FARSB: variants seen among roughly 807,000 people sequenced by gnomAD.
FARSB encodes phenylalanyl-tRNA synthetase subunit beta, also known as phenylalanine--tRNA ligase beta subunit.
FARSB carries 40 observed loss-of-function variants against 69.6 expected under a neutral mutation model. The observed-to-expected ratio is 0.57, with a 90% CI of 0.45 to 0.75. The LOEUF (loss-of-function observed/expected upper bound fraction) is 0.75. FARSB is among the 30% of genes least tolerant of loss of function. FARSB has a pLI of 0.00. For missense variants in FARSB, 632 were observed against 722.9 expected, an observed-to-expected ratio of 0.87 and a Z score of 1.44; for synonymous variants, 235 against 247.2, an observed-to-expected ratio of 0.95 and a Z score of 0.46.
At position 222,569,669 on chromosome 2, in the gene FARSB, G is replaced by A. The variant is rs1325378712; in HGVS notation, c.*2202C>T. 1 of 152,120 alleles carries A rather than the reference G, an allele frequency of 6.6e-6. No homozygotes were observed. Among genetic ancestry groups the A allele is most frequent in the Non-Finnish European group, 1.5e-5 (1 of 68,004 alleles). The allele number at this position is 152,120 out of a possible 1,614,324, so 9.4% of individuals were successfully genotyped here. On this transcript the variant is annotated 3_prime_UTR_variant, in exon 17 of 17. Coordinates refer to ENST00000281828, the MANE Select transcript of FARSB (RefSeq NM_005687.5). ...AGTCAGTTCTCTTTCCTGAGGTCCTGCCGACCACCTGCTTTTGACTTTTTT... is the reference window on the plus strand; with the variant it reads ...AGTCAGTTCTCTTTCCTGAGGTCCTACCGACCACCTGCTTTTGACTTTTTT...
At chr2:222,621,383 C>T (rs1241772976) in intron 13 of FARSB, among the ~76,000 whole-genome samples, 3 of 152,078 alleles carry the variant, frequency 2.0e-5, no homozygotes, top group African/African-American at 4.8e-5. Context: ...CCACCACACC[C>T]GACTAATTTT....
chr2:222,640,659 G>A (rs1428108052), intron 4 of FARSB, among the ~76,000 whole-genome samples: 1 of 152,160 alleles, frequency 6.6e-6, no homozygotes, highest in African/African-American at 2.4e-5. Flanking sequence ...AGGAGGCTGA[G>A]GTGGGAGGAT....
chr2:222,573,789 C>A (rs190260104), intron 16 of FARSB, among the ~76,000 whole-genome samples: 1 of 152,116 alleles, frequency 6.6e-6, no homozygotes, highest in South Asian at 2.1e-4. Context: ...AAAAAAGACA[C>A]CAGCTTGCTG....
chr2:222,653,076 A>T (rs192822678), intron 1 of FARSB, among the ~76,000 whole-genome samples: 77 of 152,324 alleles, frequency 5.1e-4, no homozygotes, highest in Non-Finnish European at 9.6e-4. Flanking sequence ...ACTGCCAGCT[A>T]TTACACCACG....
chr2:222,626,913 G>A (rs1481063733), intron 10 of FARSB, among the ~76,000 whole-genome samples: 6 of 152,092 alleles, frequency 3.9e-5, no homozygotes, highest in African/African-American at 1.4e-4. Context: ...ACGGGCGCCT[G>A]TAGTCCCAGC....
intron 15 of FARSB, among the ~76,000 whole-genome samples, chr2:222,613,077 A>G (rs1206437837): frequency 6.6e-6 from 1 of 152,270 alleles, no homozygotes; most frequent in African/African-American, 2.4e-5. Context: ...GTGCTTGTCA[A>G]GTTGAGGTTT....
intron 16 of FARSB, among the ~76,000 whole-genome samples, chr2:222,575,638 C>T (rs1170850995): frequency 6.6e-6 from 1 of 152,188 alleles, no homozygotes; most frequent in Non-Finnish European, 1.5e-5. Flanking sequence ...CAACATAAAA[C>T]AGATGTGGGG....
At position 222,624,421 on chromosome 2, in the gene FARSB, T is replaced by C. The variant is rs759687250; in HGVS notation, c.1021A>G (p.Ile341Val). 1.9e-6 allele frequency: 3 copies of C among 1,613,536 alleles called. No individual in the cohort carries two copies. Among genetic ancestry groups the C allele is most frequent in the East Asian group, 2.2e-5 (1 of 44,864 alleles). ...LTRMYLKSEVIGDGNQIEIEI... is the reference protein window; with the variant it reads ...LTRMYLKSEVVGDGNQIEIEI... Reference sequence around the variant, plus strand: ...ATCTCAATCTGATTCCCATCACCTATGACTTCTGATTTTAAATACATCCTG... The same window carrying C: ...ATCTCAATCTGATTCCCATCACCTACGACTTCTGATTTTAAATACATCCTG... Residue 341 changes from isoleucine to valine, a missense_variant, in exon 12 of 17, where the codon ATA (isoleucine) becomes GTA (valine). Transcript: ENST00000281828.
chr2:222,656,053 C>T lies in FARSB; in HGVS notation c.21G>A (p.Lys7=), dbSNP rs933541901. The T allele has an allele frequency of 6.3e-7, 1 of 1,597,780 alleles. No homozygotes were observed. The highest frequency in any genetic ancestry group is 1.1e-5 in the South Asian group (1 of 88,862). The change falls in exon 1 of 17, where the codon AAG becomes AAA. Residue 7 remains lysine (K), a synonymous_variant. Coordinates refer to ENST00000281828, the MANE Select transcript of FARSB (RefSeq NM_005687.5). MPTVSV[K]RDLLFQALGR... ...CCAGGGCTTGGAAGAGCAGATCACG[C>T]TTCACGCTGACAGTCGGCATGGTGT...
chr2:222,575,296 G>A (rs1397687460), intron 16 of FARSB, among the ~76,000 whole-genome samples: 2 of 152,242 alleles, frequency 1.3e-5, no homozygotes, highest in Admixed American at 6.5e-5. Context: ...CTAGGCTTGT[G>A]AAAAATCAGA....
intron 10 of FARSB, among the ~76,000 whole-genome samples, chr2:222,627,727 C>G (rs1691313963): frequency 6.6e-6 from 1 of 152,196 alleles, no homozygotes; most frequent in South Asian, 2.1e-4. Context: ...ATAATTAACA[C>G]TCTAGAATAA....
intron 16 of FARSB, among the ~76,000 whole-genome samples, chr2:222,578,071 T>G (rs574642544): frequency 5.0e-4 from 76 of 152,328 alleles, no homozygotes; most frequent in African/African-American, 1.8e-3. Flanking sequence ...GTACCCTCAC[T>G]GTCAGTCTGT....
intron 7 of FARSB, 143 bp downstream of exon 7, chr2:222,633,055 AT>A (rs1691476974): frequency 1.7e-6 from 1 of 601,536 alleles, no homozygotes; most frequent in Non-Finnish European, 2.9e-6. Flanking sequence ...AATGAAAAGA[AT>A]GATTAGAATC....
chr2:222,576,981 T>A (rs1689854712), intron 16 of FARSB, among the ~76,000 whole-genome samples: 2 of 152,166 alleles, frequency 1.3e-5, no homozygotes, highest in Admixed American at 1.3e-4. Flanking sequence ...TCTCGAAGTT[T>A]TAGAACCAGC....
rs148149940 is a variant in FARSB at position 222,606,193 on chromosome 2, G to A, written c.1463-6110C>T. Among the ~76,000 whole-genome samples the A allele has an allele frequency of 5.6e-3, 848 of 152,004 alleles. 6 individuals carry two copies. Among genetic ancestry groups the A allele is most frequent in the African/African-American group, 0.019 (802 of 41,462 alleles). ...TTTCCCAAGGGTTATTGCTCTCTCCGGACTTACTTCCTTATATCTTGCTAA... is the reference window on the plus strand; with the variant it reads ...TTTCCCAAGGGTTATTGCTCTCTCCAGACTTACTTCCTTATATCTTGCTAA... On this transcript the variant is annotated intron_variant, in intron 15 of 16. Transcript: ENST00000281828.
intron 16 of FARSB, among the ~76,000 whole-genome samples, chr2:222,592,345 G>A (rs1406080112): frequency 6.6e-6 from 1 of 152,050 alleles, no homozygotes; most frequent in African/African-American, 2.4e-5. Flanking sequence ...GCTGGAACTG[G>A]CCACTTAGAG....
intron 15 of FARSB, among the ~76,000 whole-genome samples, 158 bp from the exon 16 acceptor site, chr2:222,600,241 T>C (rs112090121): frequency 6.6e-6 from 1 of 152,122 alleles, no homozygotes; most frequent in African/African-American, 2.4e-5. Context: ...TAAGATAAAA[T>C]AGTCTTTTTT....
chr2:222,631,592 A>G lies in FARSB; in HGVS notation c.786+12T>C. 7.1e-7 allele frequency: 1 copy of G among 1,413,752 alleles called. No homozygotes were observed. Among genetic ancestry groups the G allele is most frequent in the Non-Finnish European group, 1.0e-6 (1 of 999,026 alleles). The allele number at this position is 1,413,752 out of a possible 1,614,324, so 87.6% of individuals were successfully genotyped here. A position where few individuals can be genotyped will look rare whatever the true frequency, so the allele number is the denominator to read the frequency against. On this transcript the variant is annotated intron_variant, in intron 8 of 16. Coordinates refer to ENST00000281828, the MANE Select transcript of FARSB (RefSeq NM_005687.5). Reference sequence around the variant, plus strand: ...GCTGATCATACAAAAATTGAGTAAAAGTTTTACTTACCTTAGTAAAGTCAG... The same window carrying G: ...GCTGATCATACAAAAATTGAGTAAAGGTTTTACTTACCTTAGTAAAGTCAG...
At chr2:222,599,827 C>T (rs1690514571) in intron 16 of FARSB, 101 bp downstream of exon 16, 2 of 908,872 alleles carry the variant, frequency 2.2e-6, no homozygotes, top group Non-Finnish European at 3.3e-6. Flanking sequence ...CTCTCCCTTT[C>T]TTTCTAAAAT....
Sources: gnomAD v4.1 joint callset for allele counts (sites outside exome capture counted in the v4.1 genomes callset) on GRCh38, gnomAD v4.1.1 for gene constraint, MANE v1.5 for transcripts, NCBI Gene and HGNC (gene_info 2026-07-23, HGNC 2026-07-21) for gene names.